KCNMA1: variants seen among roughly 807,000 people sequenced by gnomAD.
KCNMA1 encodes the protein potassium calcium-activated channel subfamily M alpha 1, also known as Calcium-activated potassium channel subunit alpha-1.
A neutral mutation model predicts 140.0 loss-of-function variants in KCNMA1; 29 were observed. The observed-to-expected ratio is 0.21, with a 90% CI of 0.15 to 0.28. KCNMA1 has a LOEUF of 0.28. KCNMA1 is among the 10% of genes least tolerant of loss of function. The pLI, the probability that KCNMA1 is intolerant of heterozygous loss-of-function variation, is 1.00. For missense variants in KCNMA1, 880 were observed against 1,602.2 expected, an observed-to-expected ratio of 0.55 and a Z score of 7.70; for synonymous variants, 612 against 611.9, an observed-to-expected ratio of 1.00 and a Z score of 0.00.
At chr10:77,396,185 G>A (rs1431563807) in intron 2 of KCNMA1, among the ~76,000 whole-genome samples, 3 of 152,146 alleles carry the variant, frequency 2.0e-5, no homozygotes, top group African/African-American at 7.2e-5. Context: ...TTCACTATGG[G>A]ACATTCTTAC....
chr10:77,062,293 T>C (rs2095786437), intron 14 of KCNMA1, among the ~76,000 whole-genome samples: 1 of 152,204 alleles, frequency 6.6e-6, no homozygotes, highest in Non-Finnish European at 1.5e-5. Context: ...CTTGAGTTAC[T>C]TGAATATTTT....
chr10:77,136,052 GAA>G (rs2098015032), intron 5 of KCNMA1, among the ~76,000 whole-genome samples: 1 of 152,172 alleles, frequency 6.6e-6, no homozygotes, highest in Non-Finnish European at 1.5e-5. Context: ...ACTCTACAAT[GAA>G]ATAGTCTTAT....
intron 2 of KCNMA1, among the ~76,000 whole-genome samples, chr10:77,272,709 G>A (rs1170813538): frequency 1.3e-5 from 2 of 151,802 alleles, no homozygotes; most frequent in African/African-American, 2.4e-5. Context: ...AGCTATTTTT[G>A]CAACTGTTTT....
chr10:77,465,050 C>A (rs2097959431), intron 1 of KCNMA1, among the ~76,000 whole-genome samples: 1 of 152,152 alleles, frequency 6.6e-6, no homozygotes, highest in African/African-American at 2.4e-5. Context: ...GAGACTTAAG[C>A]ACACCCCAAA....
At position 76,914,479 on chromosome 10, in the gene KCNMA1, C is replaced by A. The variant is rs528980798; in HGVS notation, c.3016+457G>T. ...TAAATGTCAAGTTATTACACATTAGCCCAGGGCTTCTACCTTGTTCCCAAA... is the reference window on the plus strand; with the variant it reads ...TAAATGTCAAGTTATTACACATTAGACCAGGGCTTCTACCTTGTTCCCAAA... On this transcript the variant is annotated intron_variant, in intron 24 of 27. Coordinates refer to ENST00000286628, the MANE Select transcript of KCNMA1 (RefSeq NM_001161352.2). 30 of 377,402 alleles carry A rather than the reference C, an allele frequency of 7.9e-5. No homozygotes were observed. The East Asian group carries it at 1.3e-3, about 17-fold the overall frequency. The allele number at this position is 377,402 out of a possible 1,614,324, so 23.4% of individuals were successfully genotyped here.
intron 14 of KCNMA1, among the ~76,000 whole-genome samples, chr10:77,067,714 A>G (rs1298801492): frequency 6.6e-6 from 1 of 152,196 alleles, no homozygotes; most frequent in African/African-American, 2.4e-5. Context: ...AGCCCAGCCT[A>G]GGGTAACTGT....
intron 9 of KCNMA1, among the ~76,000 whole-genome samples, chr10:77,101,411 T>A (rs1483259123): frequency 6.6e-6 from 1 of 152,218 alleles, no homozygotes; most frequent in Non-Finnish European, 1.5e-5. Flanking sequence ...CAACTTGAAT[T>A]ATCTATTTGT....
At chr10:77,276,444 G>A (rs976327429) in intron 2 of KCNMA1, among the ~76,000 whole-genome samples, 1 of 152,198 alleles carries the variant, frequency 6.6e-6, no homozygotes, top group Non-Finnish European at 1.5e-5. Context: ...CACAGAGAGG[G>A]GCTTGGCGTC....
chr10:77,604,600 T>C (rs2083744832), intron 1 of KCNMA1, among the ~76,000 whole-genome samples: 1 of 152,066 alleles, frequency 6.6e-6, no homozygotes, highest in East Asian at 1.9e-4. Context: ...TGCACCTATG[T>C]CGCTTGAACT....
intron 17 of KCNMA1, among the ~76,000 whole-genome samples, chr10:77,013,695 T>A (rs1416017466): frequency 2.0e-5 from 3 of 152,220 alleles, no homozygotes; most frequent in African/African-American, 7.2e-5. Flanking sequence ...AAGTATTTTA[T>A]AAGCATTAAA....
At chr10:77,503,631 T>G (rs902369776) in intron 1 of KCNMA1, among the ~76,000 whole-genome samples, 1 of 152,242 alleles carries the variant, frequency 6.6e-6, no homozygotes, top group African/African-American at 2.4e-5. Flanking sequence ...GCTGTCCTTG[T>G]GCAGTCATGG....
At chr10:77,260,131 A>G (rs1042794700) in intron 2 of KCNMA1, among the ~76,000 whole-genome samples, 1 of 152,166 alleles carries the variant, frequency 6.6e-6, no homozygotes. Context: ...AAAGTGGAGC[A>G]GGAAGAAGAG....
chr10:77,049,925 A>G (rs949097730), intron 14 of KCNMA1, among the ~76,000 whole-genome samples: 7 of 152,220 alleles, frequency 4.6e-5, no homozygotes, highest in Non-Finnish European at 8.8e-5. Context: ...CAACTGACTT[A>G]CGGTTTTCTA....
chr10:77,437,618 C>A (rs1184349638), intron 1 of KCNMA1, among the ~76,000 whole-genome samples: 1 of 152,138 alleles, frequency 6.6e-6, no homozygotes, highest in Non-Finnish European at 1.5e-5. Context: ...CCTAACCTAT[C>A]CCCAGGCCCC....
chr10:76,973,765 T>C (rs1028210941), intron 19 of KCNMA1, among the ~76,000 whole-genome samples: 8 of 152,256 alleles, frequency 5.3e-5, no homozygotes, highest in African/African-American at 1.4e-4. Flanking sequence ...ACTAGATTTT[T>C]AAAAAAAGAA....
At chr10:77,090,799 T>C in intron 9 of KCNMA1, 1 of 498,914 alleles carries the variant, frequency 2.0e-6, no homozygotes, top group Non-Finnish European at 3.7e-6. Flanking sequence ...CATTTAACAA[T>C]AAGTGACATT....
chr10:77,634,459 T>C, intron 1 of KCNMA1: 1 of 985,448 alleles, frequency 1.0e-6, no homozygotes, highest in Non-Finnish European at 1.2e-6. Context: ...CAGTCTTGGG[T>C]TCCTTTGATC....
chr10:77,261,586 C>T (rs1600398278), intron 2 of KCNMA1, among the ~76,000 whole-genome samples: 1 of 152,122 alleles, frequency 6.6e-6, no homozygotes, highest in African/African-American at 2.4e-5. Flanking sequence ...TTTATTATAA[C>T]TGAAATGAGG....
rs185507175 is a variant in KCNMA1 at position 77,480,096 on chromosome 10, C to T, written c.379-76073G>A. Among the ~76,000 whole-genome samples, 11 of 152,352 alleles carry T rather than the reference C, an allele frequency of 7.2e-5. No individual in the cohort carries two copies. The East Asian group carries it at 1.3e-3, about 19-fold the overall frequency. The stretch of plus-strand genomic sequence containing the variant: ...GACAGAAGCTGGATGCGCCTCCCTC[C>T]GGACTCTTGACCCCACCAAATACGA... On this transcript the variant is annotated intron_variant, in intron 1 of 27. Transcript: ENST00000286628.
Sources: gnomAD v4.1 joint callset for allele counts (sites outside exome capture counted in the v4.1 genomes callset) on GRCh38, gnomAD v4.1.1 for gene constraint, MANE v1.5 for transcripts, NCBI Gene and HGNC (gene_info 2026-07-23, HGNC 2026-07-21) for gene names.